TSPAN14: variants seen among roughly 807,000 people sequenced by gnomAD.
TSPAN14 encodes tetraspanin 14, also known as tetraspanin-14.
A neutral mutation model predicts 36.6 loss-of-function variants in TSPAN14; 16 were observed. The ratio of observed to expected loss-of-function variants is 0.44; its 90% CI spans 0.30 to 0.66. The LOEUF is 0.66. TSPAN14 is among the 30% of genes least tolerant of loss of function. The pLI is 0.12. For synonymous variants in TSPAN14, 139 were observed against 143.8 expected (o/e 0.97, Z 0.24); for missense variants, 231 against 355.1 (o/e 0.65, Z 2.81).
At position 80,508,971 on chromosome 10, in the gene TSPAN14, T is replaced by A. The variant is rs537763143; in HGVS notation, c.280-330T>A. Among the ~76,000 whole-genome samples, 12 of 152,226 alleles carry A rather than the reference T, an allele frequency of 7.9e-5. No homozygotes were observed. The East Asian group carries it at 2.3e-3, about 29-fold the overall frequency. ...CAGCCATTCATTCCTGTGATAGGGG[T>A]CTCCTCCTTGTCCAGGGAGGAGGGC... On this transcript the variant is annotated intron_variant, in intron 4 of 8. Coordinates refer to ENST00000429989, the Ensembl canonical transcript of TSPAN14.
At chr10:80,464,282 T>C (rs1846125600) in intron 1 of TSPAN14, among the ~76,000 whole-genome samples, 1 of 152,232 alleles carries the variant, frequency 6.6e-6, no homozygotes, top group Non-Finnish European at 1.5e-5. Context: ...GCCTTGGGCC[T>C]GGTTGCCACC....
At chr10:80,511,970 G>GC (rs886967266) in intron 5 of TSPAN14, among the ~76,000 whole-genome samples, 174 bp from the exon 6 acceptor site, 12 of 152,064 alleles carry the variant, frequency 7.9e-5, no homozygotes, top group African/African-American at 2.4e-4. Flanking sequence ...TTAAAGGGCT[G>GC]CCTGGGTTGC....
At chr10:80,455,042 C>T (rs1054483842) in intron 1 of TSPAN14, among the ~76,000 whole-genome samples, 1 of 152,072 alleles carries the variant, frequency 6.6e-6, no homozygotes, top group African/African-American at 2.4e-5. Context: ...TGACCCCTGA[C>T]CTAGCCGGAG....
chr10:80,458,984 TC>T (rs1845854815), intron 1 of TSPAN14, among the ~76,000 whole-genome samples: 1 of 151,652 alleles, frequency 6.6e-6, no homozygotes, highest in Non-Finnish European at 1.5e-5. Flanking sequence ...TTTTTTTTCT[TC>T]CTGGAAAAAA....
chr10:80,476,421 T>G (rs1279841257), intron 1 of TSPAN14, among the ~76,000 whole-genome samples: 3 of 144,408 alleles, frequency 2.1e-5, no homozygotes, highest in Non-Finnish European at 3.0e-5. Context: ...TTTTTTTTTT[T>G]TTTTTTTTTT....
intron 1 of TSPAN14, among the ~76,000 whole-genome samples, chr10:80,473,092 A>G (rs1340238144): frequency 6.6e-6 from 1 of 152,238 alleles, no homozygotes; most frequent in Non-Finnish European, 1.5e-5. Context: ...TTTCTGGGTC[A>G]GAGTTTCTTT....
At chr10:80,517,794 TG>T in intron 8 of TSPAN14, 110 bp from the exon 9 acceptor site, 4 of 1,036,786 alleles carry the variant, frequency 3.9e-6, no homozygotes, top group Non-Finnish European at 4.4e-6. Context: ...CAGTCGCAGC[TG>T]GGGGGTGAGG....
Position 80,509,599 on chromosome 10 carries a change from GCCGTGGAACAAGCCA to G in TSPAN14, c.450+130_450+144del. 1.0e-6 allele frequency: 1 copy of G among 999,432 alleles called. No individual in the cohort carries two copies. The highest frequency in any genetic ancestry group is 1.4e-6 in the Non-Finnish European group (1 of 691,886). 61.9% of individuals were successfully genotyped at this position (999,432 alleles called of 1,614,324 possible). A position where few individuals can be genotyped will look rare whatever the true frequency, so the allele number is the denominator to read the frequency against. On this transcript the variant is annotated intron_variant, in intron 5 of 8. Coordinates refer to ENST00000429989, the Ensembl canonical transcript of TSPAN14. The surrounding 1 kb of genome is among the most constrained non-coding windows in gnomAD (Gnocchi z 4.7). ...CTGCAGCTTGGCAGACAGCAGGGAG[GCCGTGGAACAAGCCA>G]CTCCACCTCTGGTCTGTTCCACTTT...
chr10:80,490,662 C>A (rs1014220341), intron 2 of TSPAN14, among the ~76,000 whole-genome samples: 1 of 152,102 alleles, frequency 6.6e-6, no homozygotes, highest in Non-Finnish European at 1.5e-5. Flanking sequence ...CTGGAGTCGG[C>A]TGAGGAGCCA....
chr10:80,458,193 G>A (rs984009112), intron 1 of TSPAN14, among the ~76,000 whole-genome samples: 6 of 151,862 alleles, frequency 4.0e-5, no homozygotes, highest in Admixed American at 6.6e-5. Flanking sequence ...TGTGGGACTC[G>A]GGGATTGAGC....
intron 2 of TSPAN14, among the ~76,000 whole-genome samples, chr10:80,504,094 C>G (rs1241671204): frequency 6.6e-6 from 1 of 152,206 alleles, no homozygotes; most frequent in Non-Finnish European, 1.5e-5. Flanking sequence ...TATTTTCATT[C>G]TCTAGCTAAA....
intron 3 of TSPAN14, 150 bp downstream of exon 3, chr10:80,504,928 T>C: frequency 1.1e-6 from 1 of 872,486 alleles, no homozygotes; most frequent in South Asian, 1.6e-5. Flanking sequence ...CAGACACAGC[T>C]CTTGCGTACT....
intron 4 of TSPAN14, 141 bp downstream of exon 4, chr10:80,507,515 C>T: frequency 1.7e-6 from 2 of 1,171,164 alleles, no homozygotes; most frequent in South Asian, 1.5e-5. Flanking sequence ...CAGGAGGCAG[C>T]CATTTGCACT....
chr10:80,461,915 CTT>C (rs111239209), intron 1 of TSPAN14, among the ~76,000 whole-genome samples: 6,697 of 144,444 alleles, frequency 0.046, 191 homozygotes, highest in African/African-American at 0.086. Context: ...TCATTTGTGC[CTT>C]TTTTTTTTTT....
intron 2 of TSPAN14, among the ~76,000 whole-genome samples, chr10:80,496,837 T>C (rs1477677863): frequency 2.0e-5 from 3 of 152,176 alleles, no homozygotes; most frequent in Non-Finnish European, 2.9e-5. Context: ...CCAATTTCTT[T>C]CCTTATCTTA....
At chr10:80,465,062 C>T (rs533157881) in intron 1 of TSPAN14, among the ~76,000 whole-genome samples, 4 of 152,162 alleles carry the variant, frequency 2.6e-5, no homozygotes, top group African/African-American at 9.7e-5. Context: ...CTTCTCAAGT[C>T]CCTGTGCTTG....
chr10:80,476,541 G>A (rs1449553262), intron 1 of TSPAN14, among the ~76,000 whole-genome samples: 7 of 147,270 alleles, frequency 4.8e-5, no homozygotes, highest in African/African-American at 7.5e-5. Context: ...TCAGCCTCCC[G>A]AGTAGCTGGG....
intron 2 of TSPAN14, among the ~76,000 whole-genome samples, chr10:80,495,004 C>CAGCATCTGCTAATATAG (rs1359124655): frequency 6.6e-6 from 1 of 152,196 alleles, no homozygotes; most frequent in African/African-American, 2.4e-5. Context: ...ATTTTCACAT[C>CAGCATCTGCTAATATAG]AGCATCTGCT....
chr10:80,522,564 A>C (rs922055723), exon 9 of TSPAN14: 7 of 152,218 alleles, frequency 4.6e-5, no homozygotes, highest in African/African-American at 1.4e-4. Context: ...GACTGTATAA[A>C]ACAACTTTTA....
Sources: allele counts gnomAD v4.1 joint callset (sites outside exome capture counted in the v4.1 genomes callset), GRCh38; gene constraint gnomAD v4.1.1; non-coding constraint Gnocchi (gnomAD v3.1); transcripts MANE v1.5; gene names NCBI Gene and HGNC (gene_info 2026-07-23, HGNC 2026-07-21).